Variants in PLEKHG1 observed in about 807,000 individuals in gnomAD.
The protein encoded by PLEKHG1 is pleckstrin homology and RhoGEF domain containing G1, also known as pleckstrin homology domain-containing family G member 1.
Under a neutral mutation model 100.8 loss-of-function variants are expected in PLEKHG1, and 44 were observed. That is an observed-to-expected ratio of 0.44 (90% CI 0.34 to 0.56). The LOEUF (loss-of-function observed/expected upper bound fraction) is 0.56. Ranked by LOEUF, PLEKHG1 falls within the 20% of genes least tolerant of loss-of-function variation. The pLI, the probability that PLEKHG1 is intolerant of heterozygous loss-of-function variation, is 0.01. For missense variants in PLEKHG1, 1,545 were observed against 1,720.9 expected, an observed-to-expected ratio of 0.90 and a Z score of 1.81; for synonymous variants, 640 against 662.5, an observed-to-expected ratio of 0.97 and a Z score of 0.52.
At chr6:150,677,912 CA>C (rs1263682328) in intron 3 of PLEKHG1, among the ~76,000 whole-genome samples, 64 of 150,626 alleles carry the variant, frequency 4.2e-4, no homozygotes, top group African/African-American at 1.4e-3. Flanking sequence ...TAAGTCAGTA[CA>C]AGTATTATAT....
intron 3 of PLEKHG1, among the ~76,000 whole-genome samples, chr6:150,694,705 A>AT (rs984092782): frequency 3.4e-4 from 52 of 151,720 alleles, no homozygotes; most frequent in Middle Eastern, 6.8e-3. Flanking sequence ...CTCAAAAAAA[A>AT]AAAAAATAAA....
chr6:150,743,311 A>G (rs1223579012), intron 2 of PLEKHG1, among the ~76,000 whole-genome samples: 2 of 152,190 alleles, frequency 1.3e-5, no homozygotes, highest in Non-Finnish European at 2.9e-5. Context: ...ATTTGAGGTC[A>G]GGAGTTCAAG....
rs780492483 is a variant in PLEKHG1, at chr6:150,831,105, G to C, written c.1994G>C (p.Ser665Thr). 1.3e-5 allele frequency: 21 copies of C among 1,614,092 alleles called. No individual in the cohort carries two copies. In the South Asian group the frequency reaches 2.3e-4, roughly 18 times the overall value. ...ATAGACCATGTCTATGATAACATCA[G>C]TTATGAGGACTTAAAACTAATGGTT... is the stretch of plus-strand genomic sequence containing the variant. The change falls in exon 15 of 16, where the codon AGT becomes ACT. Residue 665 changes from serine to threonine, a missense_variant. Transcript: ENST00000358517. The surrounding 1 kb of genome is among the most constrained non-coding windows in gnomAD (Gnocchi z 4.1).
In PLEKHG1 at chr6:150,809,632, C is replaced by T. The variant is rs760942238; in HGVS notation, c.1192-16C>T. ...TGGAATCAAGTTGTCTGACTGTCTA[C>T]ATCTCGTCTTGGCAGGCCAAATCCC... On this transcript the variant is annotated splice_polypyrimidine_tract_variant and intron_variant, in intron 9 of 15. Transcript: ENST00000358517. 3 of 1,606,910 alleles carry T rather than the reference C, an allele frequency of 1.9e-6. No individual in the cohort carries two copies. Among genetic ancestry groups the T allele is most frequent in the East Asian group, 2.2e-5 (1 of 44,844 alleles).
chr6:150,679,862 G>C (rs1779877144), intron 3 of PLEKHG1, among the ~76,000 whole-genome samples: 1 of 152,242 alleles, frequency 6.6e-6, no homozygotes, highest in South Asian at 2.1e-4. Flanking sequence ...TGATCGCCAT[G>C]CTGAGGTCTG....
At chr6:150,821,731 CATAAA>C (rs1382420643) in intron 13 of PLEKHG1, among the ~76,000 whole-genome samples, 1 of 151,560 alleles carries the variant, frequency 6.6e-6, no homozygotes, top group Non-Finnish European at 1.5e-5. Flanking sequence ...AGTCAAATGA[CATAAA>C]ATACTTGTAA....
At chr6:150,611,446 T>A (rs1011307155) in intron 1 of PLEKHG1, among the ~76,000 whole-genome samples, 17 of 152,336 alleles carry the variant, frequency 1.1e-4, no homozygotes, top group African/African-American at 4.1e-4. Flanking sequence ...TTGAGACAGA[T>A]CTCCAAAGAG....
intron 7 of PLEKHG1, among the ~76,000 whole-genome samples, chr6:150,808,865 A>G (rs963799432): frequency 2.0e-5 from 3 of 152,228 alleles, no homozygotes; most frequent in Non-Finnish European, 2.9e-5. Flanking sequence ...GGCATGATTA[A>G]GGAATGGAAA....
chr6:150,663,096 C>T (rs1215655400), intron 3 of PLEKHG1: 2 of 152,150 alleles, frequency 1.3e-5, no homozygotes, highest in Admixed American at 1.3e-4. Context: ...CCCCCATGGT[C>T]GTTCTTCTGA....
intron 1 of PLEKHG1, among the ~76,000 whole-genome samples, chr6:150,627,943 G>A (rs182314339): frequency 6.6e-6 from 1 of 152,114 alleles, no homozygotes; most frequent in African/African-American, 2.4e-5. Flanking sequence ...TATGCAGGGC[G>A]TTTTATGGGA....
At chr6:150,717,615 G>C (rs559372044), upstream of PLEKHG1, among the ~76,000 whole-genome samples, 1 of 152,158 alleles carries the variant, frequency 6.6e-6, no homozygotes, top group African/African-American at 2.4e-5. Context: ...GCTCTTCTGC[G>C]CCTTGATTCC....
intron 3 of PLEKHG1, among the ~76,000 whole-genome samples, chr6:150,701,465 A>G (rs1308009530): frequency 1.2e-5 from 1 of 83,824 alleles, no homozygotes; most frequent in African/African-American, 1.2e-4. Flanking sequence ...ATATATATAT[A>G]TAATTATACT....
intron 1 of PLEKHG1, among the ~76,000 whole-genome samples, chr6:150,622,475 G>A (rs1226935963): frequency 1.6e-4 from 25 of 152,064 alleles, no homozygotes; most frequent in Non-Finnish European, 2.9e-5. Context: ...GAGCTTCCCA[G>A]GCAGCATAGA....
At chr6:150,662,237 G>T (rs1779222457) in intron 3 of PLEKHG1, among the ~76,000 whole-genome samples, 1 of 152,172 alleles carries the variant, frequency 6.6e-6, no homozygotes, top group African/African-American at 2.4e-5. Context: ...CATTCTTCTA[G>T]AAAACATTGA....
intron 3 of PLEKHG1, among the ~76,000 whole-genome samples, chr6:150,688,874 G>T (rs1297180794): frequency 6.6e-6 from 1 of 152,000 alleles, no homozygotes; most frequent in Non-Finnish European, 1.5e-5. Context: ...TTTAAGCTGT[G>T]GTAAAATATA....
intron 3 of PLEKHG1, among the ~76,000 whole-genome samples, chr6:150,708,769 G>C (rs1433057604): frequency 6.6e-6 from 1 of 152,220 alleles, no homozygotes; most frequent in Non-Finnish European, 1.5e-5. Flanking sequence ...CTACTGCTAT[G>C]TCAGGGATAT....
intron 15 of PLEKHG1, 86 bp downstream of exon 16, chr6:150,832,291 C>G (rs1776990676): frequency 6.4e-6 from 7 of 1,091,002 alleles, no homozygotes; most frequent in African/African-American, 1.6e-5. Context: ...ACGGACACAC[C>G]TGTGAGAACA....
At chr6:150,804,490 T>A (rs1786922933) in intron 6 of PLEKHG1, 120 bp from the exon 8 acceptor site, 2 of 805,524 alleles carry the variant, frequency 2.5e-6, no homozygotes, top group Admixed American at 6.5e-5. Flanking sequence ...CAGCTGATAG[T>A]GTGTAAATAA....
At chr6:150,647,058 A>C (rs1225295938) in intron 2 of PLEKHG1, among the ~76,000 whole-genome samples, 6 of 152,298 alleles carry the variant, frequency 3.9e-5, no homozygotes, top group African/African-American at 1.4e-4. Flanking sequence ...CTTACGAACA[A>C]ATTTATTGGG....
Sources: gnomAD v4.1 joint callset for allele counts (sites outside exome capture counted in the v4.1 genomes callset) on GRCh38, gnomAD v4.1.1 for gene constraint, Gnocchi (gnomAD v3.1) non-coding constraint, MANE v1.5 for transcripts, NCBI Gene and HGNC (gene_info 2026-07-23, HGNC 2026-07-21) for gene names.